PHACTR4: variants seen among roughly 807,000 people sequenced by gnomAD.
The protein encoded by PHACTR4 is phosphatase and actin regulator 4.
PHACTR4 carries 51 observed loss-of-function variants against 72.7 expected under a neutral mutation model. The observed-to-expected ratio is 0.70, with a 90% CI of 0.56 to 0.89. The LOEUF is 0.89. PHACTR4 is among the 40% of genes least tolerant of loss of function. The pLI, the probability that PHACTR4 is intolerant of heterozygous loss-of-function variation, is 0.00. For missense variants in PHACTR4, 731 were observed against 861.8 expected, an observed-to-expected ratio of 0.85 and a Z score of 1.90; for synonymous variants, 255 against 302.5, an observed-to-expected ratio of 0.84 and a Z score of 1.63.
intron 8 of PHACTR4, among the ~76,000 whole-genome samples, chr1:28,479,333 T>C (rs1442584151): frequency 1.3e-5 from 2 of 151,330 alleles, no homozygotes; most frequent in African/African-American, 2.4e-5. Flanking sequence ...GGCAGGAGAA[T>C]TGCTTGAACC....
chr1:28,407,340 T>C, intron 1 of PHACTR4, 70 bp from the exon 2 acceptor site: 2 of 780,674 alleles, frequency 2.6e-6, no homozygotes. Context: ...ATTAGGATTA[T>C]TTTTTTAAAA....
chr1:28,468,511 G>A (rs1424595285), intron 6 of PHACTR4, among the ~76,000 whole-genome samples: 1 of 152,172 alleles, frequency 6.6e-6, no homozygotes, highest in Non-Finnish European at 1.5e-5. Flanking sequence ...AGAATTGCTT[G>A]CACGTGGGAA....
chr1:28,409,040 G>A (rs1024576273), intron 2 of PHACTR4, among the ~76,000 whole-genome samples: 1 of 151,816 alleles, frequency 6.6e-6, no homozygotes, highest in Non-Finnish European at 1.5e-5. Context: ...GTAAAGGAAT[G>A]TAAGTCTAGA....
At chr1:28,396,845 C>CTTTTTTTTTT (rs60578939) in intron 1 of PHACTR4, among the ~76,000 whole-genome samples, 33 of 119,666 alleles carry the variant, frequency 2.8e-4, no homozygotes, top group African/African-American at 8.2e-4. Context: ...TTCTTTCTTT[C>CTTTTTTTTTT]TTTTTTTTTT....
chr1:28,496,873 A>T lies in PHACTR4; in HGVS notation c.*324A>T. 1 of 439,246 alleles carries T rather than the reference A, an allele frequency of 2.3e-6. No individual in the cohort carries two copies. Among genetic ancestry groups the T allele is most frequent in the South Asian group, 2.4e-5 (1 of 41,048 alleles). 27.2% of individuals were successfully genotyped at this position (439,246 alleles called of 1,614,324 possible). A position where few individuals can be genotyped will look rare whatever the true frequency, so the allele number is the denominator to read the frequency against. On this transcript the variant is annotated 3_prime_UTR_variant, in exon 14 of 14. Coordinates refer to ENST00000373839, the MANE Select transcript of PHACTR4 (RefSeq NM_001048183.3). The stretch of plus-strand genomic sequence containing the variant: ...GGCTGCACCACACCCCTTCCCCTAG[A>T]TGACTGCCTGTGCAGAGACACAGTT...
chr1:28,372,864 AAAC>A (rs1651349082), intron 1 of PHACTR4, among the ~76,000 whole-genome samples: 2 of 151,922 alleles, frequency 1.3e-5, no homozygotes, highest in African/African-American at 4.8e-5. Context: ...AAAAAAAAAA[AAAC>A]ACAGAAATAA....
At chr1:28,457,847 CT>C (rs1557828290) in intron 2 of PHACTR4, 1 of 984,550 alleles carries the variant, frequency 1.0e-6, no homozygotes, top group East Asian at 1.1e-4. Flanking sequence ...TCCAGAGAAC[CT>C]TGGAACAGTA....
chr1:28,438,443 A>T, intron 2 of PHACTR4: 4 of 1,612,574 alleles, frequency 2.5e-6, no homozygotes, highest in Non-Finnish European at 3.4e-6. Flanking sequence ...GAGTAATAGA[A>T]GGCAGAGAAA....
intron 2 of PHACTR4, among the ~76,000 whole-genome samples, chr1:28,442,960 A>C (rs1481140900): frequency 3.3e-5 from 5 of 152,124 alleles, no homozygotes; most frequent in Admixed American, 6.6e-5. Context: ...CTCCTCAGCT[A>C]TTTGAAACTA....
chr1:28,429,920 C>T (rs1489637035), intron 2 of PHACTR4, among the ~76,000 whole-genome samples: 2 of 152,062 alleles, frequency 1.3e-5, no homozygotes, highest in Non-Finnish European at 2.9e-5. Context: ...GTGGTGTGTC[C>T]AGAAAACCAT....
intron 1 of PHACTR4, among the ~76,000 whole-genome samples, chr1:28,401,440 G>T (rs921359518): frequency 5.9e-5 from 9 of 151,390 alleles, no homozygotes; most frequent in African/African-American, 1.9e-4. Context: ...CCACGTAGCT[G>T]GGATTACAGG....
rs1414224976 is a variant in PHACTR4 at position 28,440,391 on chromosome 1, A to ATTTTTTTTT, written c.17-18692_17-18691insTTTTTTTTT. 1.5e-3 allele frequency among the ~76,000 whole-genome samples: 136 copies of ATTTTTTTTT among 89,960 alleles called. 21 individuals are homozygous for ATTTTTTTTT. Among genetic ancestry groups the ATTTTTTTTT allele is most frequent in the African/African-American group, 5.6e-3 (111 of 19,880 alleles). The allele number at this position is 89,960 out of a possible 152,430, so 59.0% of individuals were successfully genotyped here. On this transcript the variant is annotated intron_variant, in intron 2 of 13. Coordinates refer to ENST00000373839, the MANE Select transcript of PHACTR4 (RefSeq NM_001048183.3). ...AAAAAAGTAAGAATCAAATTCATCA[A>ATTTTTTTTT]TTCTTTTTTTTTTTTTTTTTTTGAG...
intron 2 of PHACTR4, chr1:28,438,528 TTGA>T (rs1656785303): frequency 7.8e-7 from 1 of 1,278,212 alleles, no homozygotes; most frequent in South Asian, 1.4e-5. Flanking sequence ...CACGAGAATG[TTGA>T]TGATCCCAAC....
At position 28,496,731 on chromosome 1, in the gene PHACTR4, G is replaced by T. The variant is rs1458978340; in HGVS notation, c.*182G>T. On this transcript the variant is annotated 3_prime_UTR_variant, in exon 14 of 14. Transcript: ENST00000373839. Reference sequence around the variant, plus strand: ...AACAGAGTCTTATGTGCTGCACCGGGGGCAAAACAACACTTTGTCAGTGCT... The same window carrying T: ...AACAGAGTCTTATGTGCTGCACCGGTGGCAAAACAACACTTTGTCAGTGCT... 1.5e-6 allele frequency: 1 copy of T among 682,952 alleles called. No individual in the cohort carries two copies. Among genetic ancestry groups the T allele is most frequent in the Admixed American group, 2.6e-5 (1 of 38,772 alleles). The allele number at this position is 682,952 out of a possible 1,614,324, so 42.3% of individuals were successfully genotyped here.
intron 4 of PHACTR4, among the ~76,000 whole-genome samples, chr1:28,462,006 C>A (rs1336268137): frequency 4.7e-5 from 7 of 149,770 alleles, no homozygotes. Flanking sequence ...CTCTTTGGCC[C>A]TTGCTTTGCT....
chr1:28,473,073 G>A (rs1353651690), intron 6 of PHACTR4, among the ~76,000 whole-genome samples: 2 of 149,400 alleles, frequency 1.3e-5, no homozygotes, highest in Non-Finnish European at 3.0e-5. Context: ...TCAGGAGTTC[G>A]AGACCAGCCT....
chr1:28,427,648 C>T (rs189968053), intron 2 of PHACTR4, among the ~76,000 whole-genome samples: 16 of 152,296 alleles, frequency 1.1e-4, no homozygotes, highest in Admixed American at 5.2e-4. Context: ...GAGGCCCTTC[C>T]GCTCACCCAG....
At chr1:28,470,343 T>C (rs1294989880) in intron 6 of PHACTR4, among the ~76,000 whole-genome samples, 1 of 151,902 alleles carries the variant, frequency 6.6e-6, no homozygotes, top group Non-Finnish European at 1.5e-5. Flanking sequence ...CAGTGAGTTA[T>C]GATTGCACCA....
intron 2 of PHACTR4, among the ~76,000 whole-genome samples, chr1:28,408,816 T>C (rs377557809): frequency 6.6e-6 from 1 of 151,020 alleles, no homozygotes; most frequent in African/African-American, 2.4e-5. Context: ...GCTGGGACTA[T>C]AGGTGTGCAC....
Sources: allele counts gnomAD v4.1 joint callset (sites outside exome capture counted in the v4.1 genomes callset), GRCh38; gene constraint gnomAD v4.1.1; transcripts MANE v1.5; gene names NCBI Gene and HGNC (gene_info 2026-07-23, HGNC 2026-07-21).